Variants in MDGA2 observed in about 807,000 individuals in gnomAD.
MDGA2 encodes MAM domain-containing glycosylphosphatidylinositol anchor protein 2.
A neutral mutation model predicts 117.8 loss-of-function variants in MDGA2; 40 were observed. That is an observed-to-expected ratio of 0.34 (90% CI 0.26 to 0.44). The LOEUF (loss-of-function observed/expected upper bound fraction) is 0.44, where lower values mean the gene tolerates loss of function less well. MDGA2 is among the 20% of genes least tolerant of loss of function. MDGA2 has a pLI of 1.00. For synonymous variants in MDGA2, 452 were observed against 439.0 expected (o/e 1.03, Z -0.37); for missense variants, 1,123 against 1,250.6 (o/e 0.90, Z 1.54).
At chr14:47,485,407 A>C (rs1228313515) in intron 1 of MDGA2, among the ~76,000 whole-genome samples, 2 of 152,164 alleles carry the variant, frequency 1.3e-5, no homozygotes, top group Non-Finnish European at 2.9e-5. Flanking sequence ...ACTACTGTTA[A>C]AGACATTCAG....
At chr14:47,627,083 C>G (rs1235947608) in intron 1 of MDGA2, among the ~76,000 whole-genome samples, 1 of 152,230 alleles carries the variant, frequency 6.6e-6, no homozygotes, top group Non-Finnish European at 1.5e-5. Flanking sequence ...CACTCTGTAT[C>G]TAGTTCATCT....
At chr14:46,897,844 C>G (rs1174616009) in intron 10 of MDGA2, among the ~76,000 whole-genome samples, 1 of 151,622 alleles carries the variant, frequency 6.6e-6, no homozygotes, top group Non-Finnish European at 1.5e-5. Context: ...GGAGATATGA[C>G]CTTGCTTAGA....
rs934324610 is a variant in MDGA2 at position 47,651,613 on chromosome 14, A to T, written c.280+22904T>A. On this transcript the variant is annotated intron_variant, in intron 1 of 16. Coordinates refer to ENST00000399232, the MANE Select transcript of MDGA2 (RefSeq NM_001113498.3). ...GCCATCACACAGGCTTGATGTATGG[A>T]TGTATGTAGGGAGTTATATGAAGCA... 2.0e-5 allele frequency among the ~76,000 whole-genome samples: 3 copies of T among 151,942 alleles called. No individual in the cohort carries two copies. The East Asian group carries it at 5.8e-4, about 29-fold the overall frequency.
intron 2 of MDGA2, among the ~76,000 whole-genome samples, chr14:47,280,636 A>G (rs960486973): frequency 6.6e-6 from 1 of 152,060 alleles, no homozygotes; most frequent in African/African-American, 2.4e-5. Flanking sequence ...GTTCATCTGC[A>G]TGCTACAGCC....
chr14:47,426,737 C>A (rs1408852591), intron 1 of MDGA2, among the ~76,000 whole-genome samples: 1 of 147,840 alleles, frequency 6.8e-6, no homozygotes, highest in Non-Finnish European at 1.5e-5. Flanking sequence ...ACGCAGTGAA[C>A]AACATAGTTA....
chr14:47,425,087 G>A (rs1892660316), intron 1 of MDGA2, among the ~76,000 whole-genome samples: 1 of 152,104 alleles, frequency 6.6e-6, no homozygotes, highest in Non-Finnish European at 1.5e-5. Context: ...CTCATTTAAA[G>A]TTATCAGGCA....
intron 5 of MDGA2, among the ~76,000 whole-genome samples, chr14:47,098,247 T>G (rs977951147): frequency 7.2e-5 from 10 of 139,644 alleles, no homozygotes; most frequent in African/African-American, 2.7e-4. Flanking sequence ...AGTTCAAAAC[T>G]GTCTGCCGTG....
intron 7 of MDGA2, chr14:47,059,338 T>C (rs1889797895): frequency 2.4e-6 from 3 of 1,274,774 alleles, no homozygotes; most frequent in Non-Finnish European, 3.1e-6. Flanking sequence ...GGGTAGTGTT[T>C]TGGAAGAAGT....
At chr14:46,972,606 T>C (rs991686890) in intron 8 of MDGA2, among the ~76,000 whole-genome samples, 13 of 152,006 alleles carry the variant, frequency 8.6e-5, no homozygotes, top group Admixed American at 3.9e-4. Context: ...ACCCACACAT[T>C]CCAGATAACA....
intron 1 of MDGA2, among the ~76,000 whole-genome samples, chr14:47,474,706 G>A (rs771374734): frequency 2.6e-5 from 4 of 151,958 alleles, no homozygotes; most frequent in East Asian, 1.9e-4. Flanking sequence ...TCTGATCTCC[G>A]ACAACCCTGA....
chr14:47,178,180 A>C (rs952620668), intron 3 of MDGA2, among the ~76,000 whole-genome samples: 1 of 152,190 alleles, frequency 6.6e-6, no homozygotes, highest in African/African-American at 2.4e-5. Flanking sequence ...AATTCATTTG[A>C]AAAGGACCAT....
intron 3 of MDGA2, 38 bp from the exon 4 acceptor site, chr14:47,144,312 A>C: frequency 6.8e-7 from 1 of 1,480,812 alleles, no homozygotes. Context: ...CAATGTTATG[A>C]GATAGATGAC....
chr14:47,447,250 C>A (rs1163792465), intron 1 of MDGA2, among the ~76,000 whole-genome samples: 1 of 152,104 alleles, frequency 6.6e-6, no homozygotes, highest in Non-Finnish European at 1.5e-5. Flanking sequence ...TACTGCTAGC[C>A]TGGGAAGTTT....
intron 1 of MDGA2, among the ~76,000 whole-genome samples, chr14:47,659,928 T>A (rs1355834019): frequency 2.0e-5 from 3 of 152,214 alleles, no homozygotes. Flanking sequence ...CCATTTAACA[T>A]TAGCGCTATT....
intron 14 of MDGA2, among the ~76,000 whole-genome samples, chr14:46,863,322 T>C (rs1881588693): frequency 6.6e-6 from 1 of 152,168 alleles, no homozygotes; most frequent in South Asian, 2.1e-4. Flanking sequence ...ACTTTTATTT[T>C]ATTCAGAAAT....
intron 8 of MDGA2, among the ~76,000 whole-genome samples, chr14:47,027,627 T>TATA (rs1555344547): frequency 6.9e-6 from 1 of 145,934 alleles, no homozygotes; most frequent in Non-Finnish European, 1.5e-5. Flanking sequence ...ATATTATATA[T>TATA]TATATATATA....
intron 10 of MDGA2, among the ~76,000 whole-genome samples, chr14:46,901,667 C>G (rs1040542190): frequency 1.3e-5 from 2 of 152,170 alleles, no homozygotes; most frequent in African/African-American, 4.8e-5. Context: ...ATTGTAAAAG[C>G]AATTTAATTA....
chr14:47,652,397 C>G (rs1411367912), intron 1 of MDGA2, among the ~76,000 whole-genome samples: 2 of 152,060 alleles, frequency 1.3e-5, no homozygotes, highest in Non-Finnish European at 2.9e-5. Flanking sequence ...TTTTACTATA[C>G]ATACATAACA....
intron 2 of MDGA2, among the ~76,000 whole-genome samples, chr14:47,284,577 T>A (rs2139749648): frequency 6.6e-6 from 1 of 152,300 alleles, no homozygotes; most frequent in Non-Finnish European, 1.5e-5. Context: ...CTTGCATGCA[T>A]TCTCATTATT....
Sources: allele counts gnomAD v4.1 joint callset (sites outside exome capture counted in the v4.1 genomes callset), GRCh38; gene constraint gnomAD v4.1.1; transcripts MANE v1.5; gene names NCBI Gene and HGNC (gene_info 2026-07-23, HGNC 2026-07-21).